The following LTBP4 variants were observed in gnomAD, a reference collection of about 807,000 sequenced individuals.
LTBP4 encodes latent transforming growth factor beta binding protein 4.
A neutral mutation model predicts 180.2 loss-of-function variants in LTBP4; 93 were observed. The observed-to-expected ratio is 0.52, with a 90% CI of 0.44 to 0.61. The LOEUF (loss-of-function observed/expected upper bound fraction) is 0.61, where lower values mean the gene tolerates loss of function less well. LTBP4 is among the 20% of genes least tolerant of loss of function. LTBP4 has a pLI of 0.00. For missense variants in LTBP4, 2,116 were observed against 2,256.5 expected, an observed-to-expected ratio of 0.94 and a Z score of 1.26; for synonymous variants, 947 against 934.5, an observed-to-expected ratio of 1.01 and a Z score of -0.24.
chr19:40,616,990 T>C lies in LTBP4; in HGVS notation c.2914T>C (p.Tyr972His). The C allele has an allele frequency of 6.2e-7, 1 of 1,613,912 alleles. No homozygotes were observed. The highest frequency in any genetic ancestry group is 8.5e-7 in the Non-Finnish European group (1 of 1,179,784). The stretch of plus-strand genomic sequence containing the variant: ...CTGCACACCAGCCTGTGACCCTGGC[T>C]ATCAGCCCACGCCAGGGGGCGGATG... ...YRCTPACDPGYQPTPGGGCQD... is the reference protein window; with the variant it reads ...YRCTPACDPGHQPTPGGGCQD... Residue 972 changes from tyrosine to histidine, a missense_variant, in exon 20 of 30, where the codon TAT becomes CAT. This residue lies in a region of LTBP4 where 877 missense variants were observed against 873.6 expected (regional missense o/e 1.00). Transcript: ENST00000396819.
chr19:40,604,243 G>T (rs2081443105), intron 1 of LTBP4, among the ~76,000 whole-genome samples: 1 of 152,040 alleles, frequency 6.6e-6, no homozygotes, highest in Non-Finnish European at 1.5e-5. Context: ...CCCGCGGGTA[G>T]AAGGTAATGT....
intron 22 of LTBP4, among the ~76,000 whole-genome samples, chr19:40,620,794 G>T: frequency 6.8e-6 from 1 of 146,886 alleles, no homozygotes. Context: ...AAAAAGCTAT[G>T]TATTTATTTA....
chr19:40,608,902 CAAAAAAA>C (rs538438732), intron 9 of LTBP4: 8 of 82,740 alleles, frequency 9.7e-5, no homozygotes, highest in Admixed American at 1.5e-4. Flanking sequence ...CACTCCATCT[CAAAAAAA>C]AAAAAAAAAA....
chr19:40,611,797 G>A lies in LTBP4; in HGVS notation c.2054-62G>A. On this transcript the variant is annotated intron_variant, in intron 13 of 29. Transcript: ENST00000396819. The surrounding 1 kb of genome is among the most constrained non-coding windows in gnomAD (Gnocchi z 4.4). ...CAAGACTGGAATGCTGGGGTGGGTG[G>A]TGATGGCCATGGGAATGGATTCAGG... is the stretch of plus-strand genomic sequence containing the variant. 2 of 1,551,676 alleles carry A rather than the reference G, an allele frequency of 1.3e-6. No homozygotes were observed. Among genetic ancestry groups the A allele is most frequent in the Non-Finnish European group, 1.7e-6 (2 of 1,144,076 alleles).
chr19:40,613,927 T>A lies in LTBP4; in HGVS notation c.2569T>A (p.Cys857Ser), dbSNP rs781603521. 6.2e-7 allele frequency: 1 copy of A among 1,613,360 alleles called. No individual in the cohort carries two copies. Among genetic ancestry groups the A allele is most frequent in the South Asian group, 1.1e-5 (1 of 91,058 alleles). ...GCCCTGTCCCGCAGACGTTGACGAG[T>A]GCAGCGAGGAGGACCTTTGCCAGAG... ...RGASCLDVDE[C>S]SEEDLCQSGI... Residue 857 changes from cysteine to serine, a missense_variant, in exon 18 of 30, where the codon TGC becomes AGC. Coordinates refer to ENST00000396819, the MANE Select transcript of LTBP4 (RefSeq NM_001042545.2). The surrounding 1 kb of genome is among the most constrained non-coding windows in gnomAD (Gnocchi z 5.0).
chr19:40,621,680 C>G (rs541928387), intron 22 of LTBP4, among the ~76,000 whole-genome samples: 1 of 151,806 alleles, frequency 6.6e-6, no homozygotes, highest in African/African-American at 2.4e-5. Context: ...GGGAGAAAAA[C>G]CCAAGAGGCC....
Position 40,605,531 on chromosome 19 carries a change from C to G in LTBP4, c.569C>G (p.Ala190Gly). The G allele has an allele frequency of 6.2e-7, 1 of 1,608,026 alleles. No homozygotes were observed. Among genetic ancestry groups the G allele is most frequent in the Non-Finnish European group, 8.5e-7 (1 of 1,178,178 alleles). ...ADAEAVARAE[A>G]AARAEAAAPY... ...GCTGAGGCGGTGGCGCGGGCGGAAG[C>G]GGCGGCGCGGGCGGAGGCGGCAGCG... Residue 190 changes from alanine (A) to glycine (G), a missense_variant, in exon 3 of 30, where the codon GCG becomes GGG. Coordinates refer to ENST00000396819, the MANE Select transcript of LTBP4 (RefSeq NM_001042545.2). The surrounding 1 kb of genome is among the most constrained non-coding windows in gnomAD (Gnocchi z 5.5).
At chr19:40,621,931 T>C (rs2081588817) in intron 22 of LTBP4, among the ~76,000 whole-genome samples, 1 of 152,100 alleles carries the variant, frequency 6.6e-6, no homozygotes, top group South Asian at 2.1e-4. Flanking sequence ...CTATTTTTAG[T>C]AGAGACCGGG....
Position 40,623,665 on chromosome 19 carries a change from G to A in LTBP4, c.3618G>A (p.Thr1206=), listed in dbSNP as rs760022915. The A allele has an allele frequency of 2.4e-5, 38 of 1,613,566 alleles. No homozygotes were observed. The highest frequency in any genetic ancestry group is 2.0e-5 in the Non-Finnish European group (24 of 1,179,850). The change falls in exon 25 of 30, where the codon ACG becomes ACA. Residue 1206 remains threonine, a synonymous_variant. Transcript: ENST00000396819. ...GCAAGAGTGGCGTGTGTGTGAACAC[G>A]GCCCCGGGCTACTCATGCTATTGCA... The part of the protein sequence containing the change: ...QVCKSGVCVN[T]APGYSCYCSN...
chr19:40,599,796 C>CCT (rs899849873), upstream of LTBP4: 29 of 579,764 alleles, frequency 5.0e-5, no homozygotes, highest in Non-Finnish European at 7.3e-5. Context: ...TGTCTCTTTT[C>CCT]CTCTCTCTCT....
At chr19:40,607,273 C>CCCCCCCCCCACCCA in intron 6 of LTBP4, 92 bp from the exon 7 acceptor site, 2 of 811,726 alleles carry the variant, frequency 2.5e-6, no homozygotes, top group Non-Finnish European at 1.8e-6. Context: ...CCCCCACCCC[C>CCCCCCCCCCACCCA]AACCCCAGAA....
At chr19:40,616,432 G>GA (rs575308908) in intron 19 of LTBP4, among the ~76,000 whole-genome samples, 2,097 of 142,138 alleles carry the variant, frequency 0.015, 15 homozygotes, top group Non-Finnish European at 0.021. Flanking sequence ...CTCTACTAAA[G>GA]AAAAAAAAAA....
In LTBP4 at chr19:40,622,638, G is replaced by A. The variant is rs371386730; in HGVS notation, c.3455G>A (p.Arg1152His). The stretch of plus-strand genomic sequence containing the variant: ...GGTGAGGGCTGGGGCAGCGGCTGCC[G>A]CATCCAGCAGTGCCCGGGCACCGAG... The part of the protein sequence containing the change: ...TVGEGWGSGC[R>H]IQQCPGTETA... Residue 1152 changes from arginine to histidine, a missense_variant, in exon 23 of 30, where the codon CGC becomes CAC. Around this residue, in one of 5 missense-constraint regions of LTBP4, gnomAD observed 278 missense variants for 373.0 expected, o/e 0.75. Coordinates refer to ENST00000396819, the MANE Select transcript of LTBP4 (RefSeq NM_001042545.2). The surrounding 1 kb of genome is among the most constrained non-coding windows in gnomAD (Gnocchi z 5.1). The A allele has an allele frequency of 5.5e-5, 88 of 1,606,290 alleles. No individual in the cohort carries two copies. Among genetic ancestry groups the A allele is most frequent in the Admixed American group, 8.4e-5 (5 of 59,706 alleles).
chr19:40,624,123 T>G (rs1288508844), intron 26 of LTBP4, 41 bp downstream of exon 26: 4 of 1,483,720 alleles, frequency 2.7e-6, no homozygotes, highest in Non-Finnish European at 2.7e-6. Context: ...TTCCCTTGGC[T>G]CGGCCTCACA....
chr19:40,625,138 A>G (rs1360331318), intron 26 of LTBP4, among the ~76,000 whole-genome samples: 1 of 149,088 alleles, frequency 6.7e-6, no homozygotes, highest in Non-Finnish European at 1.5e-5. Context: ...GTACAGTGGC[A>G]CAATCACAGC....
intron 27 of LTBP4, among the ~76,000 whole-genome samples, chr19:40,626,633 A>T (rs2081635474): frequency 6.6e-6 from 1 of 151,922 alleles, no homozygotes; most frequent in Non-Finnish European, 1.5e-5. Context: ...TCTCCCATGC[A>T]TCCTGCCCCC....
rs763233349 is a variant in LTBP4, at chr19:40,609,674, G to C, written c.1558+13G>C. The C allele has an allele frequency of 1.2e-6, 2 of 1,612,348 alleles. No individual in the cohort carries two copies. The highest frequency in any genetic ancestry group is 2.7e-5 in the African/African-American group (2 of 74,918). ...ACCCGATGCATTGGTGAGCAAGACGGAGGGCGCGGAAGGAGGCGGGGCGGG... is the reference window on the plus strand; with the variant it reads ...ACCCGATGCATTGGTGAGCAAGACGCAGGGCGCGGAAGGAGGCGGGGCGGG... On this transcript the variant is annotated intron_variant, in intron 10 of 29. Transcript: ENST00000396819. The surrounding 1 kb of genome is among the most constrained non-coding windows in gnomAD (Gnocchi z 4.9).
Position 40,619,426 on chromosome 19 carries a change from C to T in LTBP4, c.3150C>T (p.Val1050=), listed in dbSNP as rs144831221. ...ATGTCGAAGGCTCCTTCCTCTGTGTCTGCCCCAACAGCCCGGAAGAGTTTG... is the reference window on the plus strand; with the variant it reads ...ATGTCGAAGGCTCCTTCCTCTGTGTTTGCCCCAACAGCCCGGAAGAGTTTG... ...CENVEGSFLC[V]CPNSPEEFDP... The change falls in exon 22 of 30, where the codon GTC becomes GTT. Residue 1050 remains valine (V), a synonymous_variant. Transcript: ENST00000396819. 8.7e-5 allele frequency: 140 copies of T among 1,613,936 alleles called. 1 individual carries two copies. In the African/African-American group the frequency reaches 1.6e-3, roughly 18 times the overall value.
Position 40,605,505 on chromosome 19 carries a change from C to CGCTGAG in LTBP4, c.546_551dup (p.Glu183_Ala184dup). The CGCTGAG allele has an allele frequency of 2.5e-6, 4 of 1,609,946 alleles. No homozygotes were observed. The highest frequency in any genetic ancestry group is 3.4e-6 in the Non-Finnish European group (4 of 1,178,796). On this transcript the variant is annotated inframe_insertion, in exon 3 of 30. Transcript: ENST00000396819. The surrounding 1 kb of genome is among the most constrained non-coding windows in gnomAD (Gnocchi z 5.5). ...TGTCTGGCCCTTGGGAGGAGGCGGA[C>CGCTGAG]GCTGAGGCGGTGGCGCGGGCGGAAG... is the stretch of plus-strand genomic sequence containing the variant.
Sources: gnomAD v4.1 joint callset for allele counts (sites outside exome capture counted in the v4.1 genomes callset) on GRCh38, gnomAD v4.1.1 for gene constraint, gnomAD v4.1.1 regional missense constraint, Gnocchi (gnomAD v3.1) non-coding constraint, MANE v1.5 for transcripts, NCBI Gene and HGNC (gene_info 2026-07-23, HGNC 2026-07-21) for gene names.